Variants in HS6ST1 observed in about 807,000 individuals in gnomAD.
HS6ST1 encodes the protein heparan sulfate 6-O-sulfotransferase 1, also known as heparan-sulfate 6-O-sulfotransferase 1.
A neutral mutation model predicts 25.2 loss-of-function variants in HS6ST1; 3 were observed. The ratio of observed to expected loss-of-function variants is 0.12; its 90% CI spans 0.05 to 0.31. The LOEUF is 0.31. HS6ST1 is among the 10% of genes least tolerant of loss of function. HS6ST1 has a pLI of 1.00. For missense variants in HS6ST1, 310 were observed against 609.6 expected, an observed-to-expected ratio of 0.51 and a Z score of 5.18; for synonymous variants, 204 against 275.1, an observed-to-expected ratio of 0.74 and a Z score of 2.56.
chr2:128,298,912 C>A (rs1363999107), intron 1 of HS6ST1, among the ~76,000 whole-genome samples: 2 of 152,370 alleles, frequency 1.3e-5, no homozygotes, highest in East Asian at 3.9e-4. Flanking sequence ...GAAAGCAGCA[C>A]GTCCCTGGGC....
chr2:128,292,946 C>T (rs1029723526), intron 1 of HS6ST1, among the ~76,000 whole-genome samples: 14 of 152,140 alleles, frequency 9.2e-5, no homozygotes, highest in African/African-American at 3.4e-4. Context: ...TGTCAGCCTC[C>T]CCAACTCTGT....
intron 1 of HS6ST1, among the ~76,000 whole-genome samples, chr2:128,315,356 A>C (rs932573190): frequency 3.3e-5 from 5 of 152,138 alleles, no homozygotes; most frequent in Non-Finnish European, 5.9e-5. Flanking sequence ...GGCAGCCGGG[A>C]AGAGCCCCAC....
rs56059401 is a variant in HS6ST1 at position 128,294,671 on chromosome 2, C to CGTGTGTGT, written c.527+23358_527+23365dup. Among the ~76,000 whole-genome samples, 80 of 136,146 alleles carry CGTGTGTGT rather than the reference C, an allele frequency of 5.9e-4. 1 individual carries two copies. The highest frequency in any genetic ancestry group is 3.0e-3 in the East Asian group (13 of 4,302). 89.3% of individuals were successfully genotyped at this position (136,146 alleles called of 152,430 possible). A position where few individuals can be genotyped will look rare whatever the true frequency, so the allele number is the denominator to read the frequency against. On this transcript the variant is annotated intron_variant, in intron 1 of 1. Coordinates refer to ENST00000259241, the MANE Select transcript of HS6ST1 (RefSeq NM_004807.3). Reference sequence around the variant, plus strand: ...GAGGCTCCACCGCAAAGAAGGGAGGCGTGTGTGTGTGTGTGTGTGTGTGTG... The same window carrying CGTGTGTGT: ...GAGGCTCCACCGCAAAGAAGGGAGGCGTGTGTGTGTGTGTGTGTGTGTGTGTGTGTGTG...
chr2:128,283,819 A>G (rs1017922162), intron 1 of HS6ST1, among the ~76,000 whole-genome samples: 1 of 152,120 alleles, frequency 6.6e-6, no homozygotes, highest in Non-Finnish European at 1.5e-5. Context: ...GGGCTTCCTG[A>G]GTTCTAGAGC....
At chr2:128,275,618 C>T (rs557939041) in intron 1 of HS6ST1, among the ~76,000 whole-genome samples, 1 of 152,146 alleles carries the variant, frequency 6.6e-6, no homozygotes, top group African/African-American at 2.4e-5. Context: ...TGGAAAGAGG[C>T]TCCACTGCAT....
intron 1 of HS6ST1, among the ~76,000 whole-genome samples, chr2:128,303,581 G>C (rs1203503591): frequency 6.6e-6 from 1 of 152,242 alleles, no homozygotes; most frequent in African/African-American, 2.4e-5. Flanking sequence ...ATGGTGGGGG[G>C]ACACTGGCTG....
In HS6ST1 at chr2:128,283,739, C is replaced by A. The variant is rs1693820717; in HGVS notation, c.528-14869G>T. ...CAGGCTGCTGGAGTGTGGGTCTACC[C>A]CTGTGGGTGAGGTGCCTGCTGGCAG... On this transcript the variant is annotated intron_variant, in intron 1 of 1. Coordinates refer to ENST00000259241, the MANE Select transcript of HS6ST1 (RefSeq NM_004807.3). Among the ~76,000 whole-genome samples the A allele has an allele frequency of 2.0e-5, 3 of 152,172 alleles. No individual in the cohort carries two copies. The East Asian group carries it at 5.8e-4, about 29-fold the overall frequency.
intron 1 of HS6ST1, among the ~76,000 whole-genome samples, chr2:128,296,176 G>A (rs986850952): frequency 6.6e-6 from 1 of 152,218 alleles, no homozygotes; most frequent in African/African-American, 2.4e-5. Context: ...AACACTTGCT[G>A]CTTGAGCCAC....
intron 1 of HS6ST1, among the ~76,000 whole-genome samples, chr2:128,288,065 G>T (rs1004405509): frequency 2.6e-5 from 4 of 152,216 alleles, no homozygotes; most frequent in Admixed American, 6.5e-5. Context: ...CGAGCAGCAG[G>T]GCAGCTGACT....
intron 1 of HS6ST1, among the ~76,000 whole-genome samples, chr2:128,282,587 A>C (rs891317950): frequency 2.6e-5 from 4 of 152,210 alleles, no homozygotes; most frequent in Non-Finnish European, 4.4e-5. Context: ...AGAGACCCCG[A>C]GGCAGGAGGG....
At chr2:128,292,374 C>A (rs1693967372) in intron 1 of HS6ST1, among the ~76,000 whole-genome samples, 1 of 152,214 alleles carries the variant, frequency 6.6e-6, no homozygotes, top group Non-Finnish European at 1.5e-5. Context: ...CCACGCCCAG[C>A]TACCCACCCA....
Position 128,301,714 on chromosome 2 carries a change from C to T in HS6ST1, c.527+16323G>A, listed in dbSNP as rs1052088805. Among the ~76,000 whole-genome samples the T allele has an allele frequency of 2.6e-5, 4 of 152,138 alleles. No homozygotes were observed. In the East Asian group the frequency reaches 7.7e-4, roughly 29 times the overall value. On this transcript the variant is annotated intron_variant, in intron 1 of 1. Coordinates refer to ENST00000259241, the MANE Select transcript of HS6ST1 (RefSeq NM_004807.3). Reference sequence around the variant, plus strand: ...CGTGCTTTGTCAGCCCCTGGTCAACCCTGGGAGTTCTCCAGCCTCTCACCC... The same window carrying T: ...CGTGCTTTGTCAGCCCCTGGTCAACTCTGGGAGTTCTCCAGCCTCTCACCC...
At chr2:128,292,729 C>T (rs1283940268) in intron 1 of HS6ST1, among the ~76,000 whole-genome samples, 3 of 102,462 alleles carry the variant, frequency 2.9e-5, no homozygotes, top group South Asian at 6.8e-4. Context: ...GCAAATGGCA[C>T]GGGGGGAATG....
At chr2:128,279,830 G>A (rs1478142268) in intron 1 of HS6ST1, among the ~76,000 whole-genome samples, 3 of 152,156 alleles carry the variant, frequency 2.0e-5, no homozygotes, top group African/African-American at 7.2e-5. Context: ...AAGGGCACCA[G>A]AAATTCAGAG....
At chr2:128,310,642 C>A (rs934534901) in intron 1 of HS6ST1, among the ~76,000 whole-genome samples, 1 of 151,890 alleles carries the variant, frequency 6.6e-6, no homozygotes, top group Non-Finnish European at 1.5e-5. Flanking sequence ...GGCTGGACAT[C>A]CTCCCTCTGC....
chr2:128,288,986 A>C (rs1037464708), intron 1 of HS6ST1, among the ~76,000 whole-genome samples: 11 of 152,166 alleles, frequency 7.2e-5, no homozygotes, highest in Middle Eastern at 3.2e-3. Context: ...TGCAGCGAAG[A>C]GGGGCTGACA....
At chr2:128,269,691 C>T (rs998994882) in intron 1 of HS6ST1, among the ~76,000 whole-genome samples, 6 of 152,192 alleles carry the variant, frequency 3.9e-5, no homozygotes, top group African/African-American at 9.6e-5. Flanking sequence ...GAGGGCTCCT[C>T]CTCCTGGCTC....
intron 1 of HS6ST1, among the ~76,000 whole-genome samples, chr2:128,280,129 G>A (rs1693762530): frequency 6.6e-6 from 1 of 152,182 alleles, no homozygotes; most frequent in African/African-American, 2.4e-5. Flanking sequence ...ACCCCACCAG[G>A]GGCCCCCGGT....
intron 1 of HS6ST1, among the ~76,000 whole-genome samples, chr2:128,309,422 C>A (rs1267036938): frequency 6.6e-6 from 1 of 152,228 alleles, no homozygotes; most frequent in African/African-American, 2.4e-5. Flanking sequence ...CTGGGCTGAC[C>A]AGTGGAGAGC....
Sources: allele counts gnomAD v4.1 joint callset (sites outside exome capture counted in the v4.1 genomes callset), GRCh38; gene constraint gnomAD v4.1.1; transcripts MANE v1.5; gene names NCBI Gene and HGNC (gene_info 2026-07-23, HGNC 2026-07-21).